Variants in ITPR2 observed in about 807,000 individuals in gnomAD.
ITPR2 encodes inositol 1,4,5-trisphosphate-gated calcium channel ITPR2.
In ITPR2, 207 loss-of-function variants were observed where a neutral mutation model predicts 317.1. That is an observed-to-expected ratio of 0.65 (90% CI 0.58 to 0.73). ITPR2 has a LOEUF of 0.73. Among genes scored for constraint, ITPR2 ranks in the 30% least tolerant of loss-of-function variants. ITPR2 has a pLI of 0.00. For missense variants in ITPR2, 2,613 were observed against 3,284.0 expected (o/e 0.80, Z 4.99); for synonymous variants, 1,156 against 1,149.1 (o/e 1.01, Z -0.12).
chr12:26,482,028 G>C (rs760979983), intron 42 of ITPR2, among the ~76,000 whole-genome samples: 35 of 152,140 alleles, frequency 2.3e-4, no homozygotes, highest in Non-Finnish European at 3.2e-4. Context: ...GTAGCACCTT[G>C]TCAAGAGGTA....
chr12:26,665,029 C>G (rs1031376699), intron 14 of ITPR2, among the ~76,000 whole-genome samples: 1 of 151,970 alleles, frequency 6.6e-6, no homozygotes, highest in Non-Finnish European at 1.5e-5. Context: ...ATTTAAATAG[C>G]AATTAATAGA....
At chr12:26,696,191 A>C (rs1948346687) in intron 9 of ITPR2, among the ~76,000 whole-genome samples, 1 of 152,154 alleles carries the variant, frequency 6.6e-6, no homozygotes, top group East Asian at 1.9e-4. Flanking sequence ...GGCCAATCTG[A>C]TGACAAAGAT....
At chr12:26,642,689 A>G (rs1947019918) in intron 21 of ITPR2, among the ~76,000 whole-genome samples, 1 of 152,228 alleles carries the variant, frequency 6.6e-6, no homozygotes, top group South Asian at 2.1e-4. Context: ...CCAGACTCAG[A>G]ACATGACAAT....
At chr12:26,375,863 C>T (rs1436163805) in intron 55 of ITPR2, among the ~76,000 whole-genome samples, 1 of 152,222 alleles carries the variant, frequency 6.6e-6, no homozygotes, top group Non-Finnish European at 1.5e-5. Context: ...CTTTGGAAGG[C>T]CAATGTGGGC....
intron 5 of ITPR2, among the ~76,000 whole-genome samples, chr12:26,719,650 C>A (rs977766799): frequency 1.3e-5 from 2 of 152,104 alleles, no homozygotes; most frequent in Non-Finnish European, 2.9e-5. Flanking sequence ...ATGTGCACAA[C>A]GTGCAGGTTT....
chr12:26,682,521 T>A, intron 12 of ITPR2, 53 bp downstream of exon 12: 1 of 1,102,802 alleles, frequency 9.1e-7, no homozygotes, highest in Non-Finnish European at 1.4e-6. Flanking sequence ...CCTATCCTAA[T>A]CCTATTCTCA....
chr12:26,336,150 C>T lies in ITPR2; in HGVS notation c.*3247G>A, dbSNP rs61916863. Among the ~76,000 whole-genome samples, 18,497 of 152,134 alleles carry T rather than the reference C, an allele frequency of 0.12. 1,293 individuals are homozygous for T. The highest frequency in any genetic ancestry group is 0.18 in the South Asian group (862 of 4,816). On this transcript the variant is annotated 3_prime_UTR_variant, in exon 57 of 57. Transcript: ENST00000381340. ...TTCTTCTTAGCTAATATTTACCCCT[C>T]CTTTTCTCTAATGATAGAGTACTGG...
Position 26,561,795 on chromosome 12 carries a change from A to G in ITPR2, c.4788T>C (p.Ala1596=). 6.3e-7 allele frequency: 1 copy of G among 1,585,106 alleles called. No homozygotes were observed. Among genetic ancestry groups the G allele is most frequent in the Non-Finnish European group, 8.5e-7 (1 of 1,172,340 alleles). ...PRFKEALGGP[A]WDYRNIIEKL... is the part of the protein sequence containing the mutation. ...TTTCAATAATATTTCTGTAATCCCA[A>G]GCAGGCCCTCCAAGAGCTTCCTTAA... The change falls in exon 35 of 57, where the codon GCT becomes GCC. Residue 1596 remains alanine (A), a synonymous_variant. Transcript: ENST00000381340.
At chr12:26,714,567 T>C (rs1445735091) in intron 8 of ITPR2, among the ~76,000 whole-genome samples, 1 of 152,160 alleles carries the variant, frequency 6.6e-6, no homozygotes, top group Non-Finnish European at 1.5e-5. Context: ...TACCTATAAA[T>C]TTCATTTTAG....
chr12:26,716,947 T>C (rs1343640232), intron 5 of ITPR2, among the ~76,000 whole-genome samples: 2 of 152,200 alleles, frequency 1.3e-5, no homozygotes, highest in African/African-American at 4.8e-5. Context: ...TTAATGTATG[T>C]TATTGTAGCA....
At chr12:26,777,111 T>C (rs998962050) in intron 2 of ITPR2, among the ~76,000 whole-genome samples, 5 of 152,128 alleles carry the variant, frequency 3.3e-5, no homozygotes, top group Non-Finnish European at 5.9e-5. Flanking sequence ...CTCAGAGAGT[T>C]AAAAAAAGGT....
At chr12:26,757,596 A>G (rs1338899680) in intron 2 of ITPR2, among the ~76,000 whole-genome samples, 1 of 152,190 alleles carries the variant, frequency 6.6e-6, no homozygotes, top group Non-Finnish European at 1.5e-5. Context: ...TTGAAGTCCA[A>G]GAACCCTCTC....
At chr12:26,732,753 T>C (rs1255907590) in intron 2 of ITPR2, among the ~76,000 whole-genome samples, 5 of 152,122 alleles carry the variant, frequency 3.3e-5, no homozygotes, top group Admixed American at 3.3e-4. Flanking sequence ...GCATAATCTG[T>C]CTCTGTTTAA....
chr12:26,516,307 GA>G, intron 37 of ITPR2, among the ~76,000 whole-genome samples: 1 of 135,780 alleles, frequency 7.4e-6, no homozygotes, highest in Admixed American at 7.5e-5. Context: ...GAAAGGAAAG[GA>G]AAGGAAAGGA....
At chr12:26,782,547 C>A (rs1399298327) in intron 2 of ITPR2, among the ~76,000 whole-genome samples, 1 of 152,106 alleles carries the variant, frequency 6.6e-6, no homozygotes, top group African/African-American at 2.4e-5. Flanking sequence ...GGGACTAATT[C>A]AATAGATAGT....
At chr12:26,533,941 G>A (rs76175272) in intron 37 of ITPR2, among the ~76,000 whole-genome samples, 2,523 of 152,324 alleles carry the variant, frequency 0.017, 42 homozygotes, top group Middle Eastern at 0.048. Context: ...CACAGAAGAT[G>A]ATACAATACA....
intron 24 of ITPR2, among the ~76,000 whole-genome samples, chr12:26,623,872 A>G (rs1431931027): frequency 6.6e-6 from 1 of 152,220 alleles, no homozygotes; most frequent in Non-Finnish European, 1.5e-5. Flanking sequence ...GGTATTTCCA[A>G]TTGGCAGAAA....
At chr12:26,508,511 A>T (rs1399168511) in intron 37 of ITPR2, among the ~76,000 whole-genome samples, 1 of 152,206 alleles carries the variant, frequency 6.6e-6, no homozygotes, top group Non-Finnish European at 1.5e-5. Context: ...AGGCCCCTAC[A>T]TTAAAATTAG....
At chr12:26,408,663 C>T (rs980754586) in intron 52 of ITPR2, among the ~76,000 whole-genome samples, 2 of 152,098 alleles carry the variant, frequency 1.3e-5, no homozygotes, top group Non-Finnish European at 2.9e-5. Context: ...CTGAGTCAGC[C>T]CTCTTTGTAT....
Sources: allele counts gnomAD v4.1 joint callset (sites outside exome capture counted in the v4.1 genomes callset), GRCh38; gene constraint gnomAD v4.1.1; transcripts MANE v1.5; gene names NCBI Gene and HGNC (gene_info 2026-07-23, HGNC 2026-07-21).